The following RAB15 variants were observed in gnomAD, a reference collection of about 807,000 sequenced individuals.
RAB15 encodes RAB15, member RAS oncogene family, also known as ras-related protein Rab-15.
A neutral mutation model predicts 31.8 loss-of-function variants in RAB15; 13 were observed. The ratio of observed to expected loss-of-function variants is 0.41; its 90% CI spans 0.27 to 0.65. The LOEUF is 0.65. Ranked by LOEUF, RAB15 falls within the 30% of genes least tolerant of loss-of-function variation. RAB15 has a pLI of 0.32. For synonymous variants in RAB15, 100 were observed against 105.6 expected, an observed-to-expected ratio of 0.95 and a Z score of 0.33; for missense variants, 220 against 277.3, an observed-to-expected ratio of 0.79 and a Z score of 1.47.
At position 64,948,687 on chromosome 14, in the gene RAB15, G is replaced by A; in HGVS notation, c.461C>T (p.Thr154Ile). ...GMDFYETSAC[T>I]NLNIKESFTR... is the part of the protein sequence containing the mutation. Reference sequence around the variant, plus strand: ...TCTCACCTCTTTAATGTTGAGGTTGGTGCAGGCACTTGTTTCATAGAAGTC... The same window carrying A: ...TCTCACCTCTTTAATGTTGAGGTTGATGCAGGCACTTGTTTCATAGAAGTC... The change falls in exon 6 of 7, where the codon ACC (threonine) becomes ATC (isoleucine). Residue 154 changes from threonine (T) to isoleucine (I), a missense_variant. Coordinates refer to ENST00000533601, the MANE Select transcript of RAB15 (RefSeq NM_001308154.2). The surrounding 1 kb of genome is among the most constrained non-coding windows in gnomAD (Gnocchi z 7.0). 4 of 1,614,140 alleles carry A rather than the reference G, an allele frequency of 2.5e-6. No individual in the cohort carries two copies. Among genetic ancestry groups the A allele is most frequent in the Non-Finnish European group, 2.5e-6 (3 of 1,180,038 alleles).
intron 5 of RAB15, among the ~76,000 whole-genome samples, chr14:64,949,566 C>CA (rs1886115105): frequency 6.6e-6 from 1 of 151,602 alleles, no homozygotes; most frequent in African/African-American, 2.4e-5. Context: ...ACTAAAAATA[C>CA]AAAAAAATTA....
In RAB15 at chr14:64,971,552, TCCGGTCTCCACCCTGACC is replaced by T. The variant is rs1350785599; in HGVS notation, c.124+383_124+400del. ...ACAGAACCAAGGGCGCCTCAGTGAC[TCCGGTCTCCACCCTGACC>T]CCCTTTTCCGTAGCAGAAGCTTTAC... On this transcript the variant is annotated intron_variant, in intron 1 of 6. Coordinates refer to ENST00000533601, the MANE Select transcript of RAB15 (RefSeq NM_001308154.2). The surrounding 1 kb of genome is among the most constrained non-coding windows in gnomAD (Gnocchi z 4.1). Among the ~76,000 whole-genome samples the T allele has an allele frequency of 6.7e-6, 1 of 150,148 alleles. No individual in the cohort carries two copies. Among genetic ancestry groups the T allele is most frequent in the East Asian group, 2.0e-4 (1 of 5,070 alleles).
chr14:64,956,941 T>TA (rs1340707428), intron 1 of RAB15, among the ~76,000 whole-genome samples: 4 of 151,640 alleles, frequency 2.6e-5, no homozygotes, highest in Non-Finnish European at 5.9e-5. Flanking sequence ...TTCAATTTTT[T>TA]TTTTTTTTTG....
At position 64,955,945 on chromosome 14, in the gene RAB15, T is replaced by TA. The variant is rs1409677947; in HGVS notation, c.125-3375dup. On this transcript the variant is annotated intron_variant, in intron 1 of 6. Coordinates refer to ENST00000533601, the MANE Select transcript of RAB15 (RefSeq NM_001308154.2). The surrounding 1 kb of genome is among the most constrained non-coding windows in gnomAD (Gnocchi z 4.4). ...CATGAGAATCACGCGGGGATTGAGT[T>TA]AAAATGCAGATTCTGATCTGGTAGG... 2.0e-5 allele frequency among the ~76,000 whole-genome samples: 3 copies of TA among 152,182 alleles called. No individual in the cohort carries two copies. Among genetic ancestry groups the TA allele is most frequent in the Non-Finnish European group, 4.4e-5 (3 of 68,032 alleles).
chr14:64,953,858 G>A lies in RAB15; in HGVS notation c.125-1287C>T, dbSNP rs1566843745. ...GCCACAGTTTTCAGATGGGAACATG[G>A]TAGAGTTCCGAACCGTCTGCCACCA... is the stretch of plus-strand genomic sequence containing the variant. On this transcript the variant is annotated intron_variant, in intron 1 of 6. Transcript: ENST00000533601. The surrounding 1 kb of genome is among the most constrained non-coding windows in gnomAD (Gnocchi z 4.6). 6.1e-6 allele frequency: 6 copies of A among 985,238 alleles called. No homozygotes were observed. The highest frequency in any genetic ancestry group is 7.2e-6 in the Non-Finnish European group (6 of 829,892). The allele number at this position is 985,238 out of a possible 1,614,324, so 61.0% of individuals were successfully genotyped here.
At chr14:64,959,498 G>T (rs2412107) in intron 1 of RAB15, among the ~76,000 whole-genome samples, 42,601 of 152,028 alleles carry the variant, frequency 0.28, 6,769 homozygotes, top group East Asian at 0.63. Context: ...TTGTTTGCTC[G>T]TTTTTAAAAT....
In RAB15 at chr14:64,951,747, GA is replaced by G; in HGVS notation, c.186-85del. 8.2e-7 allele frequency: 1 copy of G among 1,219,008 alleles called. No homozygotes were observed. 75.5% of individuals were successfully genotyped at this position (1,219,008 alleles called of 1,614,324 possible). A position where few individuals can be genotyped will look rare whatever the true frequency, so the allele number is the denominator to read the frequency against. ...GAAGAGCAGAGCTGTCCCCTTGTAG[GA>G]AAAACTGGGGAGCTAAAGGGTGAAA... On this transcript the variant is annotated intron_variant, in intron 2 of 6. Coordinates refer to ENST00000533601, the MANE Select transcript of RAB15 (RefSeq NM_001308154.2). This position sits in a 1 kb window ranked among gnomAD's most constrained non-coding sequence, Gnocchi z 7.2.
Position 64,972,023 on chromosome 14 carries a change from C to T in RAB15, c.54G>A (p.Gly18=). 1.2e-6 allele frequency: 2 copies of T among 1,610,032 alleles called. No homozygotes were observed. Among genetic ancestry groups the T allele is most frequent in the Non-Finnish European group, 8.5e-7 (1 of 1,178,356 alleles). The change falls in exon 1 of 7, where the codon GGG becomes GGA. Residue 18 remains glycine (G), a synonymous_variant. Transcript: ENST00000533601. This position sits in a 1 kb window ranked among gnomAD's most constrained non-coding sequence, Gnocchi z 6.3. ...LFRLLLIGDS[G]VGKTCLLCRF... is the part of the protein sequence containing the mutation. ...GGCACAGCAGGCAGGTCTTGCCCAC[C>T]CCGGAGTCCCCGATCAGCAGCAGCC...
chr14:64,971,667 C>G lies in RAB15; in HGVS notation c.124+286G>C, dbSNP rs1594960595. 3.7e-5 allele frequency: 17 copies of G among 463,922 alleles called. 1 individual carries two copies. The East Asian group carries it at 7.1e-4, about 19-fold the overall frequency. 28.7% of individuals were successfully genotyped at this position (463,922 alleles called of 1,614,324 possible). On this transcript the variant is annotated intron_variant, in intron 1 of 6. Coordinates refer to ENST00000533601, the MANE Select transcript of RAB15 (RefSeq NM_001308154.2). This position sits in a 1 kb window ranked among gnomAD's most constrained non-coding sequence, Gnocchi z 4.1. ...TTCTTGCTACCCCAGCTCGGGGTAC[C>G]CAGGCCTACACCAGCTCCCCTCACC...
At position 64,954,587 on chromosome 14, in the gene RAB15, C is replaced by T. The variant is rs965070069; in HGVS notation, c.125-2016G>A. The T allele has an allele frequency of 2.2e-6, 2 of 927,768 alleles. No individual in the cohort carries two copies. Among genetic ancestry groups the T allele is most frequent in the South Asian group, 5.0e-5 (1 of 20,190 alleles). 57.5% of individuals were successfully genotyped at this position (927,768 alleles called of 1,614,324 possible). A position where few individuals can be genotyped will look rare whatever the true frequency, so the allele number is the denominator to read the frequency against. On this transcript the variant is annotated intron_variant, in intron 1 of 6. Transcript: ENST00000533601. This position sits in a 1 kb window ranked among gnomAD's most constrained non-coding sequence, Gnocchi z 4.3. ...AACTTCCTATGTGCCCTGCACAGTG[C>T]TCAGTGCAGACAGAGCAGTGAAAAA...
Position 64,952,758 on chromosome 14 carries a change from T to C in RAB15, c.125-187A>G, listed in dbSNP as rs1479413090. On this transcript the variant is annotated intron_variant, in intron 1 of 6. Transcript: ENST00000533601. The surrounding 1 kb of genome is among the most constrained non-coding windows in gnomAD (Gnocchi z 4.2). Reference sequence around the variant, plus strand: ...GTATCTGAAGCTTTGAAAGGGGCTTTCCTCCCTCCCTGAGCTGAAAGTTGC... The same window carrying C: ...GTATCTGAAGCTTTGAAAGGGGCTTCCCTCCCTCCCTGAGCTGAAAGTTGC... Among the ~76,000 whole-genome samples, 1 of 152,120 alleles carries C rather than the reference T, an allele frequency of 6.6e-6. No individual in the cohort carries two copies. The highest frequency in any genetic ancestry group is 2.4e-5 in the African/African-American group (1 of 41,402).
rs781383718 is a variant in RAB15 at position 64,948,749 on chromosome 14, A to G, written c.415-16T>C. 5.6e-6 allele frequency: 9 copies of G among 1,609,470 alleles called. No homozygotes were observed. Among genetic ancestry groups the G allele is most frequent in the Non-Finnish European group, 7.6e-6 (9 of 1,177,194 alleles). ...CCTTCGCCAGCTGCAAGAGAAGGAC[A>G]TTTCTGAAAGAGAGTCAGTAAGGCA... On this transcript the variant is annotated splice_polypyrimidine_tract_variant and intron_variant, in intron 5 of 6. Coordinates refer to ENST00000533601, the MANE Select transcript of RAB15 (RefSeq NM_001308154.2). This position sits in a 1 kb window ranked among gnomAD's most constrained non-coding sequence, Gnocchi z 7.0.
In RAB15 at chr14:64,971,172, C is replaced by T. The variant is rs1337930447; in HGVS notation, c.124+781G>A. Among the ~76,000 whole-genome samples, 1 of 152,170 alleles carries T rather than the reference C, an allele frequency of 6.6e-6. No homozygotes were observed. The highest frequency in any genetic ancestry group is 1.5e-5 in the Non-Finnish European group (1 of 68,022). On this transcript the variant is annotated intron_variant, in intron 1 of 6. Transcript: ENST00000533601. The surrounding 1 kb of genome is among the most constrained non-coding windows in gnomAD (Gnocchi z 4.1). ...TCAGAGGGGAGGCCATGGACCCATT[C>T]CTAGAATAAGTGACCCCATCATAGT...
chr14:64,964,819 C>T (rs967426651), intron 1 of RAB15, among the ~76,000 whole-genome samples: 4 of 152,110 alleles, frequency 2.6e-5, no homozygotes. Flanking sequence ...TTGTGATCTG[C>T]CCACCTTGGC....
At chr14:64,961,914 T>TAAAA (rs528884423) in intron 1 of RAB15, among the ~76,000 whole-genome samples, 6 of 131,600 alleles carry the variant, frequency 4.6e-5, no homozygotes, top group Non-Finnish European at 9.7e-5. Flanking sequence ...GACTCTGTCT[T>TAAAA]AAAAAAAAAA....
chr14:64,951,134 A>G lies in RAB15; in HGVS notation c.264T>C (p.Tyr88=), dbSNP rs146730702. Residue 88 remains tyrosine, a synonymous_variant, in exon 4 of 7, where the codon TAT becomes TAC. Transcript: ENST00000533601. The surrounding 1 kb of genome is among the most constrained non-coding windows in gnomAD (Gnocchi z 7.2). ...GGTAAGAGCGCTCGCTGCTAATGTC[A>G]TAGACCAAAAATATCCCCTGAGAGA... ...YRRAQGIFLV[Y]DISSERSYQH... 21 of 1,612,380 alleles carry G rather than the reference A, an allele frequency of 1.3e-5. 1 individual carries two copies. The highest frequency in any genetic ancestry group is 1.7e-4 in the Middle Eastern group (1 of 6,060).
chr14:64,952,634 G>T lies in RAB15; in HGVS notation c.125-63C>A. On this transcript the variant is annotated intron_variant, in intron 1 of 6. Coordinates refer to ENST00000533601, the MANE Select transcript of RAB15 (RefSeq NM_001308154.2). The surrounding 1 kb of genome is among the most constrained non-coding windows in gnomAD (Gnocchi z 4.2). ...ACCCACGAGAAATGAACAGGAAAGGGCCAGGCAATCACACTTGAAAGGTTT... is the reference window on the plus strand; with the variant it reads ...ACCCACGAGAAATGAACAGGAAAGGTCCAGGCAATCACACTTGAAAGGTTT... 1 of 1,210,934 alleles carries T rather than the reference G, an allele frequency of 8.3e-7. No individual in the cohort carries two copies. The highest frequency in any genetic ancestry group is 1.5e-5 in the African/African-American group (1 of 65,848). 75.0% of individuals were successfully genotyped at this position (1,210,934 alleles called of 1,614,324 possible). A position where few individuals can be genotyped will look rare whatever the true frequency, so the allele number is the denominator to read the frequency against.
intron 1 of RAB15, among the ~76,000 whole-genome samples, chr14:64,956,239 A>T (rs1886556558): frequency 6.6e-6 from 1 of 152,010 alleles, no homozygotes; most frequent in Non-Finnish European, 1.5e-5. Flanking sequence ...CCCCGTCTCT[A>T]CTAAAAATAC....
rs575757905 is a variant in RAB15, at chr14:64,970,979, G to C, written c.124+974C>G. Among the ~76,000 whole-genome samples, 2 of 152,308 alleles carry C rather than the reference G, an allele frequency of 1.3e-5. No individual in the cohort carries two copies. The highest frequency in any genetic ancestry group is 4.8e-5 in the African/African-American group (2 of 41,564). ...CTGATGGCAGCAGGGACTTCTAGGA[G>C]AGCATTCCAAATGGATGACCAGCCA... is the stretch of plus-strand genomic sequence containing the variant. On this transcript the variant is annotated intron_variant, in intron 1 of 6. Transcript: ENST00000533601. This position sits in a 1 kb window ranked among gnomAD's most constrained non-coding sequence, Gnocchi z 4.1.
Sources: gnomAD v4.1 joint callset for allele counts (sites outside exome capture counted in the v4.1 genomes callset) on GRCh38, gnomAD v4.1.1 for gene constraint, Gnocchi (gnomAD v3.1) non-coding constraint, MANE v1.5 for transcripts, NCBI Gene and HGNC (gene_info 2026-07-23, HGNC 2026-07-21) for gene names.